Variants in ZNF823 observed in about 807,000 individuals in gnomAD.
The protein encoded by ZNF823 is zinc finger protein 823.
ZNF823 carries 5 observed loss-of-function variants against 11.4 expected under a neutral mutation model. The observed-to-expected ratio is 0.44, with a 90% CI of 0.23 to 0.92. The LOEUF is 0.92. ZNF823 is among the 40% of genes least tolerant of loss of function. The pLI, the probability that ZNF823 is intolerant of heterozygous loss-of-function variation, is 0.24. For missense variants in ZNF823, 582 were observed against 738.5 expected (o/e 0.79, Z 2.46); for synonymous variants, 234 against 250.5 (o/e 0.93, Z 0.62).
intron 1 of ZNF823, among the ~76,000 whole-genome samples, chr19:11,731,188 T>C (rs2145215682): frequency 6.6e-6 from 1 of 151,940 alleles, no homozygotes. Flanking sequence ...GGTGCATGCC[T>C]GTAATCGCAG....
chr19:11,722,927 A>C lies in ZNF823; in HGVS notation c.607T>G (p.Trp203Gly). 1.2e-6 allele frequency: 2 copies of C among 1,614,208 alleles called. No individual in the cohort carries two copies. Among genetic ancestry groups the C allele is most frequent in the Non-Finnish European group, 1.7e-6 (2 of 1,180,018 alleles). ...TCGTGCAAATGAAATAAACTGGGCC[A>C]AACAAAGGCTTTCCCACACAACTTA... ...KCKLCGKAFV[W>G]PSLFHLHERT... The change falls in exon 4 of 4, where the codon TGG (tryptophan) becomes GGG (glycine). Residue 203 changes from tryptophan to glycine, a missense_variant. Physicochemically the swap from Trp to Gly is radical, Grantham distance 184. This residue lies in a region of ZNF823 where 429 missense variants were observed against 553.7 expected (regional missense o/e 0.77). Coordinates refer to ENST00000341191, the MANE Select transcript of ZNF823 (RefSeq NM_001080493.4). The surrounding 1 kb of genome is among the most constrained non-coding windows in gnomAD (Gnocchi z 5.2).
chr19:11,724,555 C>CTTTTT (rs751508496), intron 2 of ZNF823, among the ~76,000 whole-genome samples: 3 of 126,100 alleles, frequency 2.4e-5, no homozygotes, highest in Non-Finnish European at 3.3e-5. Context: ...AGTTTCTCAT[C>CTTTTT]TTTTTTTTTT....
chr19:11,735,169 G>T (rs1282574644), intron 1 of ZNF823, among the ~76,000 whole-genome samples: 1 of 151,682 alleles, frequency 6.6e-6, no homozygotes, highest in Non-Finnish European at 1.5e-5. Context: ...CAGCTACTCA[G>T]GAGGCTGAGG....
At chr19:11,734,696 C>T (rs544252892) in intron 1 of ZNF823, among the ~76,000 whole-genome samples, 1 of 152,240 alleles carries the variant, frequency 6.6e-6, no homozygotes, top group Non-Finnish European at 1.5e-5. Context: ...TGCCACCACA[C>T]CTGGGTAATT....
At chr19:11,729,889 G>A (rs1224359687) in intron 1 of ZNF823, among the ~76,000 whole-genome samples, 2 of 151,274 alleles carry the variant, frequency 1.3e-5, no homozygotes, top group Non-Finnish European at 2.9e-5. Context: ...GAGGTCTTAT[G>A]ATCCAGGGCT....
At chr19:11,726,942 T>C (rs1974802585) in intron 1 of ZNF823, among the ~76,000 whole-genome samples, 1 of 152,170 alleles carries the variant, frequency 6.6e-6, no homozygotes, top group Non-Finnish European at 1.5e-5. Flanking sequence ...ATTTGGAAAC[T>C]GGCAACTGGT....
intron 1 of ZNF823, among the ~76,000 whole-genome samples, chr19:11,727,466 T>C (rs894248917): frequency 6.6e-6 from 1 of 151,984 alleles, no homozygotes; most frequent in Non-Finnish European, 1.5e-5. Context: ...GCCAAGATCA[T>C]GCCACTGCAC....
chr19:11,725,471 C>G, intron 1 of ZNF823, 144 bp from the exon 2 acceptor site: 3 of 1,198,718 alleles, frequency 2.5e-6, no homozygotes, highest in Non-Finnish European at 3.5e-6. Flanking sequence ...TTTGTCTACA[C>G]TCACTTTTTC....
Position 11,722,740 on chromosome 19 carries a change from C to T in ZNF823, c.794G>A (p.Arg265Lys), listed in dbSNP as rs777308774. 4 of 1,614,154 alleles carry T rather than the reference C, an allele frequency of 2.5e-6. No homozygotes were observed. The highest frequency in any genetic ancestry group is 3.4e-6 in the Non-Finnish European group (4 of 1,180,036). Residue 265 changes from arginine to lysine, a missense_variant, in exon 4 of 4, where the codon AGA becomes AAA. Arg to Lys is a conservative substitution (Grantham distance 26). This residue lies in a region of ZNF823 where 429 missense variants were observed against 553.7 expected (regional missense o/e 0.77). Coordinates refer to ENST00000341191, the MANE Select transcript of ZNF823 (RefSeq NM_001080493.4). The surrounding 1 kb of genome is among the most constrained non-coding windows in gnomAD (Gnocchi z 5.2). ...CTCTCCGGTGTGAGTTCTCTCATGT[C>T]TTAGATAGGTACTGTAATCAGGAAA... is the stretch of plus-strand genomic sequence containing the variant. ...KAFPDYSTYL[R>K]HERTHTGEKP...
chr19:11,736,091 T>C (rs1974988277), intron 1 of ZNF823, among the ~76,000 whole-genome samples: 1 of 152,202 alleles, frequency 6.6e-6, no homozygotes, highest in Admixed American at 6.5e-5. Flanking sequence ...TAAATCTTTA[T>C]AATTCATCAA....
chr19:11,736,847 C>T (rs543295640), intron 1 of ZNF823, among the ~76,000 whole-genome samples: 69 of 149,940 alleles, frequency 4.6e-4, no homozygotes, highest in African/African-American at 1.6e-3. Flanking sequence ...GGAGAAGCTC[C>T]CTCAATACCG....
chr19:11,734,166 C>T (rs530756780), intron 1 of ZNF823, among the ~76,000 whole-genome samples: 13 of 149,488 alleles, frequency 8.7e-5, no homozygotes, highest in African/African-American at 2.7e-4. Flanking sequence ...GGCTGGGAGG[C>T]GAGGTGGAGT....
At chr19:11,737,481 C>T (rs1323484113) in intron 1 of ZNF823, among the ~76,000 whole-genome samples, 1 of 151,522 alleles carries the variant, frequency 6.6e-6, no homozygotes, top group Non-Finnish European at 1.5e-5. Flanking sequence ...AGGCTGGTCT[C>T]GAACTCCCGA....
chr19:11,732,538 AT>A (rs1974919699), intron 1 of ZNF823, among the ~76,000 whole-genome samples: 1 of 150,618 alleles, frequency 6.6e-6, no homozygotes, highest in Non-Finnish European at 1.5e-5. Context: ...AGACCTCGTG[AT>A]CGGCCCGCCT....
intron 1 of ZNF823, among the ~76,000 whole-genome samples, chr19:11,735,404 A>C (rs1360980329): frequency 1.3e-5 from 2 of 152,108 alleles, no homozygotes; most frequent in Non-Finnish European, 2.9e-5. Context: ...TTCTTGCCCA[A>C]ATCCAGATTT....
Position 11,723,085 on chromosome 19 carries a change from G to C in ZNF823, c.449C>G (p.Ser150Cys). Residue 150 changes from serine to cysteine, a missense_variant, in exon 4 of 4, where the codon TCC (serine) becomes TGC (cysteine). By Grantham distance (112) the Ser-to-Cys change is moderately radical. Around this residue, in one of 3 missense-constraint regions of ZNF823, gnomAD observed 429 missense variants for 553.7 expected, o/e 0.77. Transcript: ENST00000341191. ...QRGKAISHQH[S>C]FQTHERPPTG... ...GGGGGGCCTTTCATGTGTCTGGAAG[G>C]AGTGCTGATGACTGATGGCTTTCCC... 6.2e-7 allele frequency: 1 copy of C among 1,614,174 alleles called. No homozygotes were observed. The highest frequency in any genetic ancestry group is 8.5e-7 in the Non-Finnish European group (1 of 1,180,040).
At position 11,724,268 on chromosome 19, in the gene ZNF823, C is replaced by T. The variant is rs1292453666; in HGVS notation, c.131-14G>A. 1.9e-6 allele frequency: 3 copies of T among 1,587,972 alleles called. No homozygotes were observed. Among genetic ancestry groups the T allele is most frequent in the Middle Eastern group, 1.7e-4 (1 of 5,926 alleles). The stretch of plus-strand genomic sequence containing the variant: ...CCCATTTCATTTCTAAAAGGTAGAC[C>T]CAGGAAAATCACTAAAAATGTTTAC... On this transcript the variant is annotated splice_polypyrimidine_tract_variant and intron_variant, in intron 2 of 3. Coordinates refer to ENST00000341191, the MANE Select transcript of ZNF823 (RefSeq NM_001080493.4).
rs544501397 is a variant in ZNF823 at position 11,721,533 on chromosome 19, G to A, written c.*168C>T. Reference sequence around the variant, plus strand: ...GGACTTGGCATCTGTGGATTTAGAGGGTGCTGGAACCAATCCCCTGCAATA... The same window carrying A: ...GGACTTGGCATCTGTGGATTTAGAGAGTGCTGGAACCAATCCCCTGCAATA... On this transcript the variant is annotated 3_prime_UTR_variant, in exon 4 of 4. Transcript: ENST00000341191. The A allele has an allele frequency of 2.4e-4, 153 of 634,416 alleles. No homozygotes were observed. The African/African-American group carries it at 2.5e-3, about 10-fold the overall frequency. 39.3% of individuals were successfully genotyped at this position (634,416 alleles called of 1,614,324 possible).
rs1974681671 is a variant in ZNF823 at position 11,721,742 on chromosome 19, A to G, written c.1792T>C (p.Leu598=). The G allele has an allele frequency of 6.2e-7, 1 of 1,613,696 alleles. No individual in the cohort carries two copies. The highest frequency in any genetic ancestry group is 8.5e-7 in the Non-Finnish European group (1 of 1,179,780). ...CGKALSSLRS[L]HRHKRTHWKD... is the part of the protein sequence containing the mutation. ...CAGTGAGTCCTTTTATGTCTATGCA[A>G]GGAACGGAGAGAACTCAATGCTTTC... Residue 598 remains leucine, a synonymous_variant, in exon 4 of 4, where the codon TTG becomes CTG. Coordinates refer to ENST00000341191, the MANE Select transcript of ZNF823 (RefSeq NM_001080493.4).
Sources: allele counts gnomAD v4.1 joint callset (sites outside exome capture counted in the v4.1 genomes callset), GRCh38; gene constraint gnomAD v4.1.1; regional missense constraint gnomAD v4.1.1; non-coding constraint Gnocchi (gnomAD v3.1); transcripts MANE v1.5; gene names NCBI Gene and HGNC (gene_info 2026-07-23, HGNC 2026-07-21).